ABLIM2: variants seen among roughly 807,000 people sequenced by gnomAD.
ABLIM2 encodes actin binding LIM protein family member 2, also known as actin-binding LIM protein 2.
Under a neutral mutation model 97.7 loss-of-function variants are expected in ABLIM2, and 53 were observed. The observed-to-expected ratio is 0.54, with a 90% CI of 0.44 to 0.68. ABLIM2 has a LOEUF of 0.68. ABLIM2 is among the 30% of genes least tolerant of loss of function. The pLI, the probability that ABLIM2 is intolerant of heterozygous loss-of-function variation, is 0.00. For synonymous variants in ABLIM2, 361 were observed against 345.8 expected (o/e 1.04, Z -0.49); for missense variants, 835 against 867.2 (o/e 0.96, Z 0.47).
intron 1 of ABLIM2, among the ~76,000 whole-genome samples, chr4:8,118,840 A>G (rs914087257): frequency 1.2e-4 from 18 of 152,202 alleles, no homozygotes; most frequent in Non-Finnish European, 2.2e-4. Flanking sequence ...TTCACAGACA[A>G]TGATTCACTC....
intron 1 of ABLIM2, among the ~76,000 whole-genome samples, chr4:8,131,318 T>C (rs781075356): frequency 2.5e-4 from 38 of 152,214 alleles, no homozygotes; most frequent in Non-Finnish European, 4.4e-4. Flanking sequence ...TGATGTGCTC[T>C]ACTATTTTCT....
chr4:8,008,286 T>C (rs1762671158), intron 15 of ABLIM2, 86 bp from the exon 16 acceptor site: 1 of 1,318,000 alleles, frequency 7.6e-7, no homozygotes, highest in Non-Finnish European at 1.1e-6. Context: ...GTAGCTTCCT[T>C]ACTTCTAACA....
rs549704297 is a variant in ABLIM2 at position 8,060,985 on chromosome 4, C to T, written c.745G>A (p.Glu249Lys). The change falls in exon 7 of 21, where the codon GAA (glutamate) becomes AAA (lysine). Residue 249 changes from glutamate (E) to lysine (K), a missense_variant. By Grantham distance (56) the Glu-to-Lys change is moderately conservative. Transcript: ENST00000447017. ...VRCGQMFAEG[E>K]EMYLQGSSIW... ...TTTGTACCTTGAAGATACATCTCTTCGCCTTCTGCAAACATCTGGCCGCAC... is the reference window on the plus strand; with the variant it reads ...TTTGTACCTTGAAGATACATCTCTTTGCCTTCTGCAAACATCTGGCCGCAC... 5.2e-5 allele frequency: 83 copies of T among 1,594,308 alleles called. No homozygotes were observed. The highest frequency in any genetic ancestry group is 1.1e-4 in the Admixed American group (6 of 56,906).
chr4:8,055,938 C>A (rs941814109), intron 7 of ABLIM2, among the ~76,000 whole-genome samples: 2 of 151,824 alleles, frequency 1.3e-5, no homozygotes, highest in South Asian at 2.1e-4. Flanking sequence ...CATGGTGAAA[C>A]CCCATCTCTA....
At chr4:7,983,131 C>T in intron 20 of ABLIM2, 133 bp downstream of exon 20, 3 of 934,244 alleles carry the variant, frequency 3.2e-6, no homozygotes, top group Admixed American at 2.0e-5. Context: ...GGGCCTGACT[C>T]TGCATCACGG....
At position 8,150,217 on chromosome 4, in the gene ABLIM2, T is replaced by C. The variant is rs1712170655; in HGVS notation, c.10+8463A>G. 6.6e-6 allele frequency among the ~76,000 whole-genome samples: 1 copy of C among 152,194 alleles called. No homozygotes were observed. Among genetic ancestry groups the C allele is most frequent in the African/African-American group, 2.4e-5 (1 of 41,446 alleles). ...CAGCATCAACTGATGTCATTTTCCA[T>C]GTGCGATCCCGGGGACACTGAGGTC... On this transcript the variant is annotated intron_variant, in intron 1 of 20. Transcript: ENST00000447017. The surrounding 1 kb of genome is among the most constrained non-coding windows in gnomAD (Gnocchi z 6.3).
chr4:8,031,029 C>A (rs551456072), intron 10 of ABLIM2, among the ~76,000 whole-genome samples: 1 of 152,348 alleles, frequency 6.6e-6, no homozygotes, highest in East Asian at 1.9e-4. Flanking sequence ...GGAAGGGGCT[C>A]TGCAGAAGAT....
In ABLIM2 at chr4:8,002,914, T is replaced by C. The variant is rs960575748; in HGVS notation, c.1618+5145A>G. Among the ~76,000 whole-genome samples the C allele has an allele frequency of 3.3e-5, 5 of 152,222 alleles. No individual in the cohort carries two copies. Among genetic ancestry groups the C allele is most frequent in the African/African-American group, 1.2e-4 (5 of 41,464 alleles). ...CCGTCTCTCTGCACTGACTACTTACTGTATTTGAAAGTGCACCCTTCCCCC... is the reference window on the plus strand; with the variant it reads ...CCGTCTCTCTGCACTGACTACTTACCGTATTTGAAAGTGCACCCTTCCCCC... On this transcript the variant is annotated intron_variant, in intron 16 of 20. Coordinates refer to ENST00000447017, the MANE Select transcript of ABLIM2 (RefSeq NM_001130083.2). This position sits in a 1 kb window ranked among gnomAD's most constrained non-coding sequence, Gnocchi z 6.1.
At chr4:8,158,263 A>G (rs1716049405) in intron 1 of ABLIM2, among the ~76,000 whole-genome samples, 4 of 152,146 alleles carry the variant, frequency 2.6e-5, no homozygotes, top group Non-Finnish European at 5.9e-5. Flanking sequence ...CGGCGCCCCC[A>G]GCTGCAAAGC....
rs1167800667 is a variant in ABLIM2, at chr4:8,149,981, C to A, written c.10+8699G>T. On this transcript the variant is annotated intron_variant, in intron 1 of 20. Transcript: ENST00000447017. The surrounding 1 kb of genome is among the most constrained non-coding windows in gnomAD (Gnocchi z 6.4). ...GCTTCCCCTCCCTTCCCCCCTTACC[C>A]TCCTCACACCTCCCTCGTGCTTCCT... Among the ~76,000 whole-genome samples, 1 of 152,136 alleles carries A rather than the reference C, an allele frequency of 6.6e-6. No homozygotes were observed. The highest frequency in any genetic ancestry group is 6.5e-5 in the Admixed American group (1 of 15,278).
intron 1 of ABLIM2, among the ~76,000 whole-genome samples, chr4:8,114,805 G>A (rs1054395430): frequency 3.0e-4 from 44 of 144,858 alleles, no homozygotes; most frequent in African/African-American, 8.8e-4. Flanking sequence ...CCACCGCCCC[G>A]TCCCCAAACA....
intron 2 of ABLIM2, among the ~76,000 whole-genome samples, chr4:8,105,918 G>C (rs1317372472): frequency 6.6e-6 from 1 of 152,108 alleles, no homozygotes; most frequent in African/African-American, 2.4e-5. Context: ...GCCGGGCCCG[G>C]TTGGTGGGGC....
chr4:8,045,051 C>T lies in ABLIM2; in HGVS notation c.900+113G>A, dbSNP rs1791409802. 6.4e-6 allele frequency: 6 copies of T among 944,190 alleles called. No individual in the cohort carries two copies. The Middle Eastern group carries it at 9.5e-4, about 150-fold the overall frequency. The allele number at this position is 944,190 out of a possible 1,614,324, so 58.5% of individuals were successfully genotyped here. ...AAGAGCAATGGCCGTACCTCAGGCC[C>T]CAGATGATAGTTCTCGGAAAACTCT... On this transcript the variant is annotated intron_variant, in intron 9 of 20. Coordinates refer to ENST00000447017, the MANE Select transcript of ABLIM2 (RefSeq NM_001130083.2).
At chr4:8,091,870 CAA>C (rs1282907596) in intron 3 of ABLIM2, among the ~76,000 whole-genome samples, 79 of 102,686 alleles carry the variant, frequency 7.7e-4, no homozygotes, top group African/African-American at 2.6e-3. Flanking sequence ...ATTATATATA[CAA>C]TATATATTAT....
Position 8,058,377 on chromosome 4 carries a change from C to T in ABLIM2, c.763+2590G>A, listed in dbSNP as rs1318375260. Reference sequence around the variant, plus strand: ...TGGGTTCGGCCTGAGAAAGGCAGGCCTGTGTGATCCACGGCCCTGTGACAA... The same window carrying T: ...TGGGTTCGGCCTGAGAAAGGCAGGCTTGTGTGATCCACGGCCCTGTGACAA... On this transcript the variant is annotated intron_variant, in intron 7 of 20. Coordinates refer to ENST00000447017, the MANE Select transcript of ABLIM2 (RefSeq NM_001130083.2). This position sits in a 1 kb window ranked among gnomAD's most constrained non-coding sequence, Gnocchi z 4.2. Among the ~76,000 whole-genome samples the T allele has an allele frequency of 3.9e-5, 6 of 152,170 alleles. No homozygotes were observed. Among genetic ancestry groups the T allele is most frequent in the Non-Finnish European group, 8.8e-5 (6 of 68,030 alleles).
intron 6 of ABLIM2, among the ~76,000 whole-genome samples, chr4:8,076,115 G>A (rs1445121808): frequency 6.6e-6 from 1 of 152,212 alleles, no homozygotes; most frequent in Non-Finnish European, 1.5e-5. Context: ...CCCTTCCCGT[G>A]GGGGCATCCA....
intron 1 of ABLIM2, among the ~76,000 whole-genome samples, chr4:8,146,894 T>C (rs1161862191): frequency 6.6e-6 from 1 of 151,530 alleles, no homozygotes; most frequent in Non-Finnish European, 1.5e-5. Flanking sequence ...ATAATGCACA[T>C]AAGCAAAAGC....
intron 7 of ABLIM2, among the ~76,000 whole-genome samples, chr4:8,057,840 A>G (rs2152058097): frequency 6.6e-6 from 1 of 152,350 alleles, no homozygotes; most frequent in East Asian, 1.9e-4. Context: ...CCAGCCAAAT[A>G]ACATCTGCAT....
In ABLIM2 at chr4:8,077,609, C is replaced by T. The variant is rs767646873; in HGVS notation, c.675+19G>A. The T allele has an allele frequency of 6.9e-6, 11 of 1,589,004 alleles. No homozygotes were observed. In the African/African-American group the frequency reaches 1.5e-4, roughly 21 times the overall value. ...GGCCCTAGCTCAGAGCGGGCAGGGG[C>T]CCGGCCCGCCGCGCTTACCTCCAGC... is the stretch of plus-strand genomic sequence containing the variant. On this transcript the variant is annotated intron_variant, in intron 6 of 20. Transcript: ENST00000447017.
Sources: allele counts gnomAD v4.1 joint callset (sites outside exome capture counted in the v4.1 genomes callset), GRCh38; gene constraint gnomAD v4.1.1; non-coding constraint Gnocchi (gnomAD v3.1); transcripts MANE v1.5; gene names NCBI Gene and HGNC (gene_info 2026-07-23, HGNC 2026-07-21).